RYR2: variants seen among roughly 807,000 people sequenced by gnomAD.
The protein encoded by RYR2 is cardiac muscle ryanodine receptor-calcium release channel.
A neutral mutation model predicts 601.1 loss-of-function variants in RYR2; 227 were observed. The observed-to-expected ratio is 0.38, with a 90% CI of 0.34 to 0.42. The LOEUF (loss-of-function observed/expected upper bound fraction) is 0.42, where lower values mean the gene tolerates loss of function less well. Ranked by LOEUF, RYR2 falls within the 10% of genes least tolerant of loss-of-function variation. RYR2 has a pLI of 1.00. For missense variants in RYR2, 4,646 were observed against 6,156.5 expected (o/e 0.75, Z 8.21); for synonymous variants, 2,223 against 2,175.1 (o/e 1.02, Z -0.61).
At chr1:237,312,554 C>A (rs1273925707) in intron 2 of RYR2, among the ~76,000 whole-genome samples, 3 of 152,124 alleles carry the variant, frequency 2.0e-5, no homozygotes, top group Admixed American at 6.5e-5. Flanking sequence ...TTTCTGGTAA[C>A]CTTACCTTGG....
chr1:237,515,921 CCCTCTT>C (rs1343019919), intron 24 of RYR2, among the ~76,000 whole-genome samples: 2 of 142,126 alleles, frequency 1.4e-5, no homozygotes, highest in African/African-American at 5.3e-5. Flanking sequence ...TTCTCCCTCT[CCCTCTT>C]CTCCTTCTTC....
At chr1:237,558,946 T>C (rs548580863) in intron 27 of RYR2, among the ~76,000 whole-genome samples, 2 of 152,182 alleles carry the variant, frequency 1.3e-5, no homozygotes, top group African/African-American at 4.8e-5. Context: ...TTCTTTTTTA[T>C]AATTTACCTC....
chr1:237,496,710 G>T lies in RYR2; in HGVS notation c.2161G>T (p.Asp721Tyr). ...GTGGGGTGGAAATGGTGTTGGAGAT[G>T]ATCTCTTCTCCTATGGATTTGATGG... The part of the protein sequence containing the change: ...EEWGGNGVGD[D>Y]LFSYGFDGLH... Residue 721 changes from aspartate (D) to tyrosine (Y), a missense_variant, in exon 20 of 105, where the codon GAT becomes TAT. Coordinates refer to ENST00000366574, the MANE Select transcript of RYR2 (RefSeq NM_001035.3). The T allele has an allele frequency of 6.2e-7, 1 of 1,613,904 alleles. No homozygotes were observed. The highest frequency in any genetic ancestry group is 1.3e-5 in the African/African-American group (1 of 75,028).
chr1:237,231,750 A>T lies in RYR2; in HGVS notation c.49-38747A>T, dbSNP rs138885952. On this transcript the variant is annotated intron_variant, in intron 1 of 104. Transcript: ENST00000366574. ...GACTCAGTGGCTGGTAGGGGGCTTAAGTTTATAACACTGTGGTCATGGCCT... is the reference window on the plus strand; with the variant it reads ...GACTCAGTGGCTGGTAGGGGGCTTATGTTTATAACACTGTGGTCATGGCCT... 7.9e-5 allele frequency among the ~76,000 whole-genome samples: 12 copies of T among 152,266 alleles called. No individual in the cohort carries two copies. The East Asian group carries it at 2.3e-3, about 30-fold the overall frequency.
At chr1:237,430,362 G>A (rs1706682341) in intron 12 of RYR2, among the ~76,000 whole-genome samples, 1 of 151,398 alleles carries the variant, frequency 6.6e-6, no homozygotes, top group Admixed American at 6.6e-5. Context: ...TTGTAATATA[G>A]GTATTGCAAA....
At chr1:237,657,287 T>A (rs1683339211) in intron 53 of RYR2, among the ~76,000 whole-genome samples, 1 of 152,138 alleles carries the variant, frequency 6.6e-6, no homozygotes, top group African/African-American at 2.4e-5. Context: ...AGAATTGTAT[T>A]CTCAAAGTTA....
Position 237,490,250 on chromosome 1 carries a change from TG to T in RYR2, c.1709-1553del, listed in dbSNP as rs1479948321. On this transcript the variant is annotated intron_variant, in intron 17 of 104. Transcript: ENST00000366574. ...TGGGCTTTGCTCACTACCTGGTTGA[TG>T]GGATCAATTGTACTGCAAACCTCAG... Among the ~76,000 whole-genome samples, 7 of 152,334 alleles carry T rather than the reference TG, an allele frequency of 4.6e-5. No homozygotes were observed. In the East Asian group the frequency reaches 1.3e-3, roughly 29 times the overall value.
intron 12 of RYR2, among the ~76,000 whole-genome samples, chr1:237,435,275 T>G (rs565358600): frequency 1.1e-3 from 164 of 152,312 alleles, no homozygotes; most frequent in African/African-American, 3.6e-3. Context: ...CACAACTGTA[T>G]GGAGTTAAGA....
At position 237,569,032 on chromosome 1, in the gene RYR2, C is replaced by T. The variant is rs2618717; in HGVS notation, c.3424-113C>T. On this transcript the variant is annotated intron_variant, in intron 28 of 104. Transcript: ENST00000366574. ...TAGACCGATATGCCAGCTGGAGTTT[C>T]TCCTACTGTTGTGTTGATAGAAGGG... The T allele has an allele frequency of 0.67, 563,146 of 846,280 alleles. 194,493 individuals are homozygous for T. Among genetic ancestry groups the T allele is most frequent in the Non-Finnish European group, 0.72 (408,444 of 571,114 alleles). 52.4% of individuals were successfully genotyped at this position (846,280 alleles called of 1,614,324 possible).
chr1:237,590,001 G>C lies in RYR2; in HGVS notation c.3807G>C (p.Glu1269Asp). Residue 1269 changes from glutamate to aspartate, a missense_variant and splice_region_variant, in exon 30 of 105, where the codon GAG becomes GAC. This residue lies in a region of RYR2 where 1,807 missense variants were observed against 2,088.1 expected (regional missense o/e 0.87). Coordinates refer to ENST00000366574, the MANE Select transcript of RYR2 (RefSeq NM_001035.3). ...TTCCATCAAACCATGAACATATAGA[G>C]GTTTGCTTTTTCTTTAAAAATCAGG... ...LQVPSNHEHIEVTRIDGTIDS... is the reference protein window; with the variant it reads ...LQVPSNHEHIDVTRIDGTIDS... The C allele has an allele frequency of 6.2e-7, 1 of 1,608,116 alleles. No homozygotes were observed. Among genetic ancestry groups the C allele is most frequent in the Non-Finnish European group, 8.5e-7 (1 of 1,176,988 alleles).
intron 1 of RYR2, among the ~76,000 whole-genome samples, chr1:237,172,325 C>T (rs924843578): frequency 3.9e-5 from 6 of 152,152 alleles, no homozygotes; most frequent in Non-Finnish European, 7.4e-5. Flanking sequence ...ACCTAGTTTT[C>T]ATCAAGGGAA....
intron 25 of RYR2, among the ~76,000 whole-genome samples, chr1:237,532,517 T>G (rs748934006): frequency 6.6e-6 from 1 of 152,094 alleles, no homozygotes. Context: ...CTCATTTTCA[T>G]TATCCTCATC....
At chr1:237,382,520 TC>T (rs570819650) in intron 8 of RYR2, among the ~76,000 whole-genome samples, 3 of 105,904 alleles carry the variant, frequency 2.8e-5, no homozygotes, top group Non-Finnish European at 5.7e-5. Context: ...ATGTTATCCC[TC>T]CCCCCTCCCC....
intron 51 of RYR2, among the ~76,000 whole-genome samples, chr1:237,652,439 A>T (rs553452512): frequency 6.6e-6 from 1 of 152,164 alleles, no homozygotes; most frequent in East Asian, 1.9e-4. Context: ...TTTATAGATG[A>T]CCACTCTGCA....
chr1:237,277,559 A>C (rs1690412052), intron 2 of RYR2, among the ~76,000 whole-genome samples: 3 of 152,220 alleles, frequency 2.0e-5, no homozygotes, highest in Non-Finnish European at 4.4e-5. Flanking sequence ...TTATAAAATC[A>C]ATGGCCACAT....
chr1:237,235,725 T>C (rs2149209498), intron 1 of RYR2, among the ~76,000 whole-genome samples: 1 of 152,350 alleles, frequency 6.6e-6, no homozygotes, highest in African/African-American at 2.4e-5. Flanking sequence ...AAGGCAGTGA[T>C]AGATGCCTTC....
intron 43 of RYR2, among the ~76,000 whole-genome samples, chr1:237,634,128 A>C (rs1366834546): frequency 2.0e-5 from 3 of 152,206 alleles, no homozygotes; most frequent in Non-Finnish European, 4.4e-5. Context: ...AAGGGAAATG[A>C]ATAATCAGTA....
intron 10 of RYR2, among the ~76,000 whole-genome samples, chr1:237,403,663 C>G (rs1421832196): frequency 1.3e-5 from 2 of 152,118 alleles, no homozygotes; most frequent in Non-Finnish European, 1.5e-5. Context: ...TGATCTTAAC[C>G]AGTCCCCCCT....
At chr1:237,677,602 T>C (rs901333081) in intron 60 of RYR2, among the ~76,000 whole-genome samples, 5 of 152,188 alleles carry the variant, frequency 3.3e-5, no homozygotes, top group African/African-American at 1.2e-4. Flanking sequence ...AAGCTTTAAC[T>C]TTCGGTCACA....
Sources: allele counts gnomAD v4.1 joint callset (sites outside exome capture counted in the v4.1 genomes callset), GRCh38; gene constraint gnomAD v4.1.1; regional missense constraint gnomAD v4.1.1; transcripts MANE v1.5; gene names NCBI Gene and HGNC (gene_info 2026-07-23, HGNC 2026-07-21).